PDE4D: variants seen among roughly 807,000 people sequenced by gnomAD.
The protein encoded by PDE4D is phosphodiesterase 4D, also known as 3',5'-cyclic-AMP phosphodiesterase 4D.
In PDE4D, 24 loss-of-function variants were observed where a neutral mutation model predicts 87.4. The observed-to-expected ratio is 0.27, with a 90% confidence interval of 0.20 to 0.39. The LOEUF (loss-of-function observed/expected upper bound fraction) is 0.39. Ranked by LOEUF, PDE4D falls within the 10% of genes least tolerant of loss-of-function variation. The probability of loss-of-function intolerance (pLI) is 1.00; values close to 1 mark genes in which losing one functional copy is unlikely to be tolerated. For synonymous variants in PDE4D, 384 were observed against 383.2 expected (o/e 1.00, Z -0.02); for missense variants, 714 against 1,041.0 (o/e 0.69, Z 4.32).
intron 2 of PDE4D, among the ~76,000 whole-genome samples, chr5:59,212,126 A>T (rs1232654622): frequency 6.6e-6 from 1 of 152,128 alleles, no homozygotes; most frequent in East Asian, 1.9e-4. Context: ...AGCGCAGTTG[A>T]ATTATACACA....
chr5:58,992,493 G>C lies in PDE4D; in HGVS notation c.1016-489C>G, dbSNP rs143703261. Among the ~76,000 whole-genome samples the C allele has an allele frequency of 4.3e-3, 655 of 152,242 alleles. 5 individuals carry two copies. The highest frequency in any genetic ancestry group is 7.0e-3 in the Non-Finnish European group (479 of 67,978). On this transcript the variant is annotated intron_variant, in intron 7 of 14. Coordinates refer to ENST00000340635, the MANE Select transcript of PDE4D (RefSeq NM_001104631.2). ...TAAAACTAACAGCTAACTGAAATGG[G>C]TAACACTGTGGGAGCTGAAACAGCA...
At chr5:59,414,411 G>A (rs1793237150) in intron 1 of PDE4D, among the ~76,000 whole-genome samples, 1 of 152,216 alleles carries the variant, frequency 6.6e-6, no homozygotes, top group Non-Finnish European at 1.5e-5. Context: ...ACTGGACCTT[G>A]AAGAAAGGGT....
rs533266618 is a variant in PDE4D at position 59,928,983 on chromosome 5, T to G, written c.272+59505A>C. Among the ~76,000 whole-genome samples the G allele has an allele frequency of 8.9e-4, 136 of 152,052 alleles. 1 individual carries two copies. Among genetic ancestry groups the G allele is most frequent in the African/African-American group, 3.1e-3 (127 of 41,510 alleles). The stretch of plus-strand genomic sequence containing the variant: ...GCAAAGTCCATTAATTTAATGGACA[T>G]TAACATTTTTTGCTGTAGTAAAAAG... On this transcript the variant is annotated intron_variant, in intron 3 of 16. Coordinates refer to the PDE4D transcript ENST00000502484.
chr5:59,461,563 C>T (rs1473721668), intron 1 of PDE4D, among the ~76,000 whole-genome samples: 1 of 152,140 alleles, frequency 6.6e-6, no homozygotes, highest in Non-Finnish European at 1.5e-5. Flanking sequence ...TGCCTGTAAT[C>T]AGTTAAGAAC....
At chr5:59,788,501 T>C (rs1210894656) in intron 1 of PDE4D, among the ~76,000 whole-genome samples, 1 of 152,206 alleles carries the variant, frequency 6.6e-6, no homozygotes, top group African/African-American at 2.4e-5. Flanking sequence ...CCGTACAGTA[T>C]CAGGAACAAA....
rs1436616570 is a variant in PDE4D, at chr5:58,973,311, T to C, written c.*1353A>G. 6.6e-6 allele frequency: 1 copy of C among 152,184 alleles called. No homozygotes were observed. Among genetic ancestry groups the C allele is most frequent in the Non-Finnish European group, 1.5e-5 (1 of 68,034 alleles). 9.4% of individuals were successfully genotyped at this position (152,184 alleles called of 1,614,324 possible). On this transcript the variant is annotated 3_prime_UTR_variant, in exon 15 of 15. Transcript: ENST00000340635. ...ACCTGTTTCTTTTCACCGGTGACAA[T>C]GGTAGTGATATATTTGACAAGACCT...
At chr5:59,283,011 A>T (rs904604406) in intron 1 of PDE4D, among the ~76,000 whole-genome samples, 2 of 152,134 alleles carry the variant, frequency 1.3e-5, no homozygotes, top group Non-Finnish European at 2.9e-5. Flanking sequence ...TGCAAATCCA[A>T]ATTCCACCAA....
At chr5:59,713,530 TACCCACCACTC>T (rs1425075248) in intron 1 of PDE4D, among the ~76,000 whole-genome samples, 2 of 152,180 alleles carry the variant, frequency 1.3e-5, no homozygotes, top group Non-Finnish European at 2.9e-5. Flanking sequence ...TTTTTCCAGC[TACCCACCACTC>T]ACCCACTGAC....
intron 2 of PDE4D, among the ~76,000 whole-genome samples, chr5:60,023,278 C>A (rs1766271476): frequency 1.3e-5 from 2 of 152,148 alleles, no homozygotes; most frequent in South Asian, 4.1e-4. Flanking sequence ...TAAATTCTTT[C>A]TCTACCTCAA....
intron 1 of PDE4D, among the ~76,000 whole-genome samples, chr5:59,551,874 T>G (rs1288564743): frequency 6.6e-6 from 1 of 152,208 alleles, no homozygotes; most frequent in Non-Finnish European, 1.5e-5. Context: ...TTATTTTCAC[T>G]CATAAATATA....
chr5:59,356,782 C>T lies in PDE4D; in HGVS notation c.456-140814G>A, dbSNP rs757303005. On this transcript the variant is annotated intron_variant, in intron 1 of 14. Transcript: ENST00000340635. ...CCTGTAGGACTTTGAGAAACGCAAT[C>T]TTGATTTGGCTCTTGTAGATGGTCC... is the stretch of plus-strand genomic sequence containing the variant. 5 of 1,567,482 alleles carry T rather than the reference C, an allele frequency of 3.2e-6. No homozygotes were observed. The East Asian group carries it at 9.3e-5, about 29-fold the overall frequency.
At chr5:59,041,324 CACAA>C (rs2153396146) in intron 5 of PDE4D, among the ~76,000 whole-genome samples, 1 of 152,198 alleles carries the variant, frequency 6.6e-6, no homozygotes, top group Admixed American at 6.5e-5. Flanking sequence ...CCCTAAAGAT[CACAA>C]ACAATACTTT....
chr5:59,963,885 G>A lies in PDE4D; in HGVS notation c.272+24603C>T, dbSNP rs115656949. On this transcript the variant is annotated intron_variant, in intron 3 of 16. Coordinates refer to the PDE4D transcript ENST00000502484. ...ACTGATGAAGGGATGGAACTCCTAA[G>A]ACCAGCTCTTGTTCTTTTACTTCTA... Among the ~76,000 whole-genome samples, 909 of 152,238 alleles carry A rather than the reference G, an allele frequency of 6.0e-3. 13 individuals carry two copies. The highest frequency in any genetic ancestry group is 0.036 in the South Asian group (175 of 4,824).
chr5:59,891,687 C>T (rs1363764226), intron 1 of PDE4D, among the ~76,000 whole-genome samples: 1 of 152,096 alleles, frequency 6.6e-6, no homozygotes, highest in Non-Finnish European at 1.5e-5. Flanking sequence ...AGGCAAAGGG[C>T]TAAGAGCATA....
intron 1 of PDE4D, among the ~76,000 whole-genome samples, chr5:59,677,236 G>A (rs1054283502): frequency 2.6e-5 from 4 of 151,988 alleles, no homozygotes; most frequent in Non-Finnish European, 5.9e-5. Flanking sequence ...AAATGCTGGG[G>A]GGAACATATT....
intron 1 of PDE4D, among the ~76,000 whole-genome samples, chr5:60,356,694 A>G (rs1346534851): frequency 6.6e-6 from 1 of 152,216 alleles, no homozygotes; most frequent in Admixed American, 6.5e-5. Flanking sequence ...GAAAAATAGT[A>G]CTGAATATTC....
intron 1 of PDE4D, among the ~76,000 whole-genome samples, chr5:59,507,383 T>C (rs1454727543): frequency 6.6e-6 from 1 of 152,026 alleles, no homozygotes; most frequent in African/African-American, 2.4e-5. Flanking sequence ...AAATAATTTA[T>C]AACATATTTG....
At chr5:60,520,171 T>C (rs1367930538) in intron 1 of PDE4D, among the ~76,000 whole-genome samples, 1 of 152,104 alleles carries the variant, frequency 6.6e-6, no homozygotes, top group Non-Finnish European at 1.5e-5. Flanking sequence ...TGCCCTGTTA[T>C]GGGGACTACA....
At chr5:59,949,429 T>C (rs371501874) in intron 3 of PDE4D, among the ~76,000 whole-genome samples, 22 of 115,984 alleles carry the variant, frequency 1.9e-4, no homozygotes, top group African/African-American at 9.3e-4. Context: ...CAAGACTCCG[T>C]CTCACAAAAA....
Sources: gnomAD v4.1 joint callset for allele counts (sites outside exome capture counted in the v4.1 genomes callset) on GRCh38, gnomAD v4.1.1 for gene constraint, MANE v1.5 for transcripts, NCBI Gene and HGNC (gene_info 2026-07-23, HGNC 2026-07-21) for gene names.